FRMPD4: variants seen among roughly 807,000 people sequenced by gnomAD.
The protein encoded by FRMPD4 is FERM and PDZ domain-containing protein 4.
In FRMPD4, 22 loss-of-function variants were observed where a neutral mutation model predicts 94.1. That is an observed-to-expected ratio of 0.23 (90% CI 0.17 to 0.33). The LOEUF (loss-of-function observed/expected upper bound fraction) is 0.33, where lower values mean the gene tolerates loss of function less well. Among genes scored for constraint, FRMPD4 ranks in the 10% least tolerant of loss-of-function variants. The pLI is 1.00. For missense variants in FRMPD4, 1,111 were observed against 1,339.9 expected, an observed-to-expected ratio of 0.83 and a Z score of 2.67; for synonymous variants, 631 against 548.6, an observed-to-expected ratio of 1.15 and a Z score of -2.10.
intron 1 of FRMPD4, among the ~76,000 whole-genome samples, chrX:12,149,609 G>A (rs887214789): frequency 8.9e-6 from 1 of 112,280 alleles, no homozygotes; most frequent in Non-Finnish European, 1.9e-5. Flanking sequence ...GTGGTTTCTT[G>A]AGATAGATTC....
chrX:12,154,807 G>A (rs1451229006), intron 1 of FRMPD4, among the ~76,000 whole-genome samples: 1 of 112,354 alleles, frequency 8.9e-6, no homozygotes, highest in African/African-American at 3.2e-5. Context: ...ACTCAGTGAA[G>A]TCAACAACAA....
At chrX:12,053,418 G>GAAAGAAAGAAAGAAAGA (rs2054834626) in intron 3 of FRMPD4, among the ~76,000 whole-genome samples, 1 of 89,738 alleles carries the variant, frequency 1.1e-5, no homozygotes, top group East Asian at 3.8e-4. Context: ...AAGAAAGAAA[G>GAAAGAAAGAAAGAAAGA]AAAGAAAGAA....
chrX:11,828,140 A>G (rs747236661), intron 1 of FRMPD4, among the ~76,000 whole-genome samples: 5 of 112,395 alleles, frequency 4.4e-5, no homozygotes, highest in African/African-American at 1.6e-4. Context: ...ATTATAACCT[A>G]AAATTGTCCA....
chrX:12,195,080 C>T (rs1377125830), intron 1 of FRMPD4, among the ~76,000 whole-genome samples: 1 of 112,157 alleles, frequency 8.9e-6, no homozygotes, highest in African/African-American at 3.2e-5. Context: ...TATAGAATTT[C>T]TGGTTTTTAA....
chrX:12,575,244 CTT>C (rs1399765774), intron 2 of FRMPD4, among the ~76,000 whole-genome samples: 1 of 110,917 alleles, frequency 9.0e-6, no homozygotes, highest in Non-Finnish European at 1.9e-5. Context: ...CAACTATCCT[CTT>C]GTTTTCCTCA....
chrX:12,632,075 A>G (rs189450777), intron 4 of FRMPD4, among the ~76,000 whole-genome samples: 50 of 111,740 alleles, frequency 4.5e-4, no homozygotes, highest in African/African-American at 1.6e-3. Flanking sequence ...TTTATGCATT[A>G]TGTGCATGAT....
At chrX:11,978,996 T>C (rs764546103) in intron 3 of FRMPD4, among the ~76,000 whole-genome samples, 5 of 111,379 alleles carry the variant, frequency 4.5e-5, no homozygotes, top group African/African-American at 1.3e-4. Context: ...TGGTAAAGTA[T>C]ATATGTAAAA....
intron 1 of FRMPD4, among the ~76,000 whole-genome samples, chrX:12,262,527 G>C (rs1486898270): frequency 8.9e-6 from 1 of 112,061 alleles, no homozygotes; most frequent in Admixed American, 9.5e-5. Flanking sequence ...TCTGTAAATA[G>C]GAATGAAGGT....
chrX:12,628,924 T>A (rs1011359047), intron 4 of FRMPD4, among the ~76,000 whole-genome samples: 1 of 112,355 alleles, frequency 8.9e-6, no homozygotes, highest in Non-Finnish European at 1.9e-5. Context: ...AGCCTCACAA[T>A]CATGGCAGAA....
At chrX:12,106,614 C>T (rs2055300565) in intron 3 of FRMPD4, among the ~76,000 whole-genome samples, 1 of 111,605 alleles carries the variant, frequency 9.0e-6, no homozygotes, top group South Asian at 3.8e-4. Context: ...CATCGCCTCA[C>T]CCGGGAAGCA....
rs1045549518 is a variant in FRMPD4, at chrX:12,078,315, C to T, written c.95+200297C>T. Among the ~76,000 whole-genome samples the T allele has an allele frequency of 4.5e-5, 5 of 112,166 alleles. No individual in the cohort carries two copies. The Admixed American group carries it at 4.7e-4, about 11-fold the overall frequency. Reference sequence around the variant, plus strand: ...GTAATATAATAATGCGAATAGCATCCCAGCAACTTTTCCATTGTCTATTGG... The same window carrying T: ...GTAATATAATAATGCGAATAGCATCTCAGCAACTTTTCCATTGTCTATTGG... On this transcript the variant is annotated intron_variant, in intron 3 of 18. Coordinates refer to the FRMPD4 transcript ENST00000640291.
At chrX:12,660,763 C>T (rs945440816) in intron 4 of FRMPD4, among the ~76,000 whole-genome samples, 1 of 112,311 alleles carries the variant, frequency 8.9e-6, no homozygotes, top group African/African-American at 3.2e-5. Flanking sequence ...GTTGACTGAA[C>T]TCATCCAGAT....
chrX:12,137,089 A>G (rs2055607476), upstream of FRMPD4, among the ~76,000 whole-genome samples: 1 of 112,086 alleles, frequency 8.9e-6, no homozygotes, highest in Non-Finnish European at 1.9e-5. Flanking sequence ...CCCAAACTAT[A>G]ATTATTTTAC....
At chrX:12,450,472 A>G (rs758357819) in intron 1 of FRMPD4, among the ~76,000 whole-genome samples, 3 of 111,445 alleles carry the variant, frequency 2.7e-5, no homozygotes, top group Non-Finnish European at 5.7e-5. Flanking sequence ...CATTCCAGAG[A>G]ATAGGAAAAG....
chrX:12,516,670 T>C (rs1006249793), intron 2 of FRMPD4, among the ~76,000 whole-genome samples: 2 of 111,062 alleles, frequency 1.8e-5, no homozygotes, highest in Non-Finnish European at 3.8e-5. Context: ...ATTATGTGTC[T>C]TGGGGTTGAT....
intron 1 of FRMPD4, among the ~76,000 whole-genome samples, chrX:12,428,331 A>G (rs1363170395): frequency 1.8e-5 from 2 of 110,933 alleles, no homozygotes; most frequent in Non-Finnish European, 3.8e-5. Context: ...TTTTGTGTTT[A>G]TTTGTTTCTT....
intron 3 of FRMPD4, among the ~76,000 whole-genome samples, chrX:12,030,928 G>A (rs895388597): frequency 1.8e-5 from 2 of 111,905 alleles, no homozygotes; most frequent in African/African-American, 6.5e-5. Flanking sequence ...CCACAGGTGG[G>A]TTTGGGTGAG....
chrX:12,680,495 G>C (rs1380350728), intron 5 of FRMPD4, among the ~76,000 whole-genome samples: 1 of 112,197 alleles, frequency 8.9e-6, no homozygotes, highest in Non-Finnish European at 1.9e-5. Flanking sequence ...GTATTTTGTT[G>C]ATTCTCATTA....
chrX:12,339,616 T>C (rs2055578316), intron 1 of FRMPD4, among the ~76,000 whole-genome samples: 1 of 106,209 alleles, frequency 9.4e-6, no homozygotes, highest in South Asian at 3.8e-4. Context: ...AAAAGTTTAA[T>C]GAATTTTTTT....
Sources: gnomAD v4.1 joint callset for allele counts (sites outside exome capture counted in the v4.1 genomes callset) on GRCh38, gnomAD v4.1.1 for gene constraint, MANE v1.5 for transcripts, NCBI Gene and HGNC (gene_info 2026-07-23, HGNC 2026-07-21) for gene names.